Variants in GRID2 observed in about 807,000 individuals in gnomAD.
GRID2 encodes the protein glutamate ionotropic receptor delta type subunit 2.
In GRID2, 33 loss-of-function variants were observed where a neutral mutation model predicts 114.8. That is an observed-to-expected ratio of 0.29 (90% confidence interval 0.22 to 0.38). The LOEUF is 0.38. Among genes scored for constraint, GRID2 ranks in the 10% least tolerant of loss-of-function variants. GRID2 has a pLI of 1.00. For missense variants in GRID2, 1,184 were observed against 1,257.7 expected, an observed-to-expected ratio of 0.94 and a Z score of 0.89; for synonymous variants, 505 against 449.9, an observed-to-expected ratio of 1.12 and a Z score of -1.55.
chr4:92,370,426 C>T (rs1003731955), intron 1 of GRID2, among the ~76,000 whole-genome samples: 3 of 151,816 alleles, frequency 2.0e-5, no homozygotes, highest in African/African-American at 4.8e-5. Context: ...CTGAGGCGGG[C>T]GGATCACGAG....
chr4:92,598,253 C>T (rs1201583243), intron 2 of GRID2, among the ~76,000 whole-genome samples: 1 of 152,126 alleles, frequency 6.6e-6, no homozygotes, highest in Non-Finnish European at 1.5e-5. Flanking sequence ...TGCCTGTGAA[C>T]ATTCAGTCTT....
chr4:92,733,679 A>G (rs1287830298), intron 2 of GRID2, among the ~76,000 whole-genome samples: 1 of 152,102 alleles, frequency 6.6e-6, no homozygotes, highest in Admixed American at 6.6e-5. Flanking sequence ...AGAGACCAAG[A>G]ACAATTCCAT....
At chr4:93,771,002 T>C (rs1190833184) in intron 15 of GRID2, among the ~76,000 whole-genome samples, 1 of 152,152 alleles carries the variant, frequency 6.6e-6, no homozygotes, top group Non-Finnish European at 1.5e-5. Flanking sequence ...TGAGGAACAC[T>C]ATAATAGCAC....
intron 1 of GRID2, among the ~76,000 whole-genome samples, chr4:92,453,200 A>G (rs1289037226): frequency 6.6e-6 from 1 of 152,134 alleles, no homozygotes; most frequent in African/African-American, 2.4e-5. Context: ...ACCATCAAAC[A>G]TTGAAGCAGT....
chr4:93,635,143 C>G (rs988198964), intron 14 of GRID2, among the ~76,000 whole-genome samples: 1 of 151,868 alleles, frequency 6.6e-6, no homozygotes, highest in Non-Finnish European at 1.5e-5. Flanking sequence ...TTGTTCTTCT[C>G]TCTCACAATA....
At chr4:93,615,950 T>G (rs1297380262) in intron 13 of GRID2, among the ~76,000 whole-genome samples, 1 of 152,206 alleles carries the variant, frequency 6.6e-6, no homozygotes, top group African/African-American at 2.4e-5. Flanking sequence ...TGTCACTCAA[T>G]GTATTTCCAA....
Position 93,595,028 on chromosome 4 carries a change from C to T in GRID2, c.2194-31241C>T, listed in dbSNP as rs145357879. ...TCACCCATCTTCTGCATCGCTCAGG[C>T]TGGGAGCTGTAGACCAGAGCTGTTC... On this transcript the variant is annotated intron_variant, in intron 13 of 15. Coordinates refer to ENST00000282020, the MANE Select transcript of GRID2 (RefSeq NM_001510.4). Among the ~76,000 whole-genome samples the T allele has an allele frequency of 5.7e-3, 864 of 152,304 alleles. 11 individuals carry two copies. The highest frequency in any genetic ancestry group is 0.019 in the African/African-American group (794 of 41,566).
intron 2 of GRID2, among the ~76,000 whole-genome samples, chr4:92,896,217 G>A (rs1440401602): frequency 6.6e-6 from 1 of 152,168 alleles, no homozygotes. Flanking sequence ...AAGCCTAGAA[G>A]AGCCCCCAGG....
intron 2 of GRID2, among the ~76,000 whole-genome samples, chr4:92,963,479 C>G (rs548198253): frequency 4.9e-4 from 74 of 152,066 alleles, no homozygotes; most frequent in African/African-American, 1.6e-3. Context: ...CTTTGTTCCT[C>G]CATAAGAAGC....
chr4:92,927,550 A>T (rs929228151), intron 2 of GRID2, among the ~76,000 whole-genome samples: 2 of 151,804 alleles, frequency 1.3e-5, no homozygotes, highest in South Asian at 2.1e-4. Flanking sequence ...AAAATCATTT[A>T]TAATGGGTAG....
At chr4:93,564,836 T>C (rs993274696) in intron 13 of GRID2, among the ~76,000 whole-genome samples, 1 of 152,112 alleles carries the variant, frequency 6.6e-6, no homozygotes, top group African/African-American at 2.4e-5. Context: ...TACAGCACCA[T>C]ATTACAAATA....
rs74329174 is a variant in GRID2 at position 93,159,000 on chromosome 4, T to A, written c.735+48047T>A. Among the ~76,000 whole-genome samples, 1,186 of 151,842 alleles carry A rather than the reference T, an allele frequency of 7.8e-3. 14 individuals are homozygous for A. Among genetic ancestry groups the A allele is most frequent in the African/African-American group, 0.027 (1,126 of 41,488 alleles). ...AGATTCATTGGCCATTATTCTTGCC[T>A]TATGGAATTGTACTATATAATTACT... On this transcript the variant is annotated intron_variant, in intron 4 of 15. Transcript: ENST00000282020.
At chr4:93,186,742 T>G (rs1427531095) in intron 4 of GRID2, among the ~76,000 whole-genome samples, 1 of 152,212 alleles carries the variant, frequency 6.6e-6, no homozygotes, top group Non-Finnish European at 1.5e-5. Flanking sequence ...ATATGTCATC[T>G]CTCACATGAA....
chr4:92,800,792 G>T (rs1740121988), intron 2 of GRID2, among the ~76,000 whole-genome samples: 1 of 151,886 alleles, frequency 6.6e-6, no homozygotes, highest in African/African-American at 2.4e-5. Context: ...GCCACTCTTG[G>T]ACAGATTTAG....
At chr4:92,344,144 T>C (rs931094786) in intron 1 of GRID2, among the ~76,000 whole-genome samples, 1 of 152,128 alleles carries the variant, frequency 6.6e-6, no homozygotes, top group Non-Finnish European at 1.5e-5. Flanking sequence ...ATAATTATAA[T>C]ACAATATACA....
At chr4:93,147,038 G>T (rs993360001) in intron 4 of GRID2, among the ~76,000 whole-genome samples, 1 of 152,054 alleles carries the variant, frequency 6.6e-6, no homozygotes, top group African/African-American at 2.4e-5. Flanking sequence ...TTCCGTAAAG[G>T]TCTATGCCAT....
intron 8 of GRID2, among the ~76,000 whole-genome samples, chr4:93,295,441 A>C (rs1754189246): frequency 6.6e-6 from 1 of 152,200 alleles, no homozygotes; most frequent in Non-Finnish European, 1.5e-5. Context: ...GTAGTAGTAA[A>C]TGTATATTAA....
intron 2 of GRID2, among the ~76,000 whole-genome samples, chr4:92,723,082 T>C (rs926120688): frequency 3.3e-5 from 5 of 152,020 alleles, no homozygotes; most frequent in Middle Eastern, 3.2e-3. Context: ...TTTTATAATA[T>C]GAATAATGGA....
chr4:92,761,508 T>C (rs141392343), intron 2 of GRID2, among the ~76,000 whole-genome samples: 1 of 152,292 alleles, frequency 6.6e-6, no homozygotes, highest in East Asian at 1.9e-4. Context: ...CATGGCCTCA[T>C]GGGTTATTTG....
Sources: allele counts gnomAD v4.1 joint callset (sites outside exome capture counted in the v4.1 genomes callset), GRCh38; gene constraint gnomAD v4.1.1; transcripts MANE v1.5; gene names NCBI Gene and HGNC (gene_info 2026-07-23, HGNC 2026-07-21).